INSR: variants seen among roughly 807,000 people sequenced by gnomAD.
INSR encodes insulin receptor, also known as IR.
Under a neutral mutation model 142.6 loss-of-function variants are expected in INSR, and 67 were observed. The observed-to-expected ratio is 0.47, with a 90% CI of 0.39 to 0.58. The LOEUF (loss-of-function observed/expected upper bound fraction) is 0.58, where lower values mean the gene tolerates loss of function less well. Among genes scored for constraint, INSR ranks in the 20% least tolerant of loss-of-function variants. The pLI is 0.00. For synonymous variants in INSR, 756 were observed against 743.1 expected (o/e 1.02, Z -0.28); for missense variants, 1,248 against 1,833.2 (o/e 0.68, Z 5.83).
chr19:7,174,825 G>A, intron 3 of INSR, 94 bp from the exon 4 acceptor site: 1 of 1,277,324 alleles, frequency 7.8e-7, no homozygotes, highest in East Asian at 2.5e-5. Flanking sequence ...CTTTCTGCCT[G>A]ATATGGTATT....
chr19:7,257,845 C>CA (rs942018935), intron 2 of INSR, among the ~76,000 whole-genome samples: 3 of 152,150 alleles, frequency 2.0e-5, no homozygotes, highest in South Asian at 4.1e-4. Context: ...CATATATAGA[C>CA]AGAGTCTCAC....
At chr19:7,248,823 T>G (rs1365382859) in intron 2 of INSR, among the ~76,000 whole-genome samples, 1 of 141,982 alleles carries the variant, frequency 7.0e-6, no homozygotes, top group African/African-American at 2.6e-5. Context: ...AGTGGCGTGA[T>G]CTTGGCTCAC....
At chr19:7,139,336 T>C (rs1011701484) in intron 13 of INSR, among the ~76,000 whole-genome samples, 8 of 152,206 alleles carry the variant, frequency 5.3e-5, no homozygotes, top group Non-Finnish European at 8.8e-5. Context: ...ACTAAAGCTG[T>C]CAATCCAAAA....
At chr19:7,134,408 C>T (rs1972857059) in intron 13 of INSR, among the ~76,000 whole-genome samples, 1 of 150,642 alleles carries the variant, frequency 6.6e-6, no homozygotes, top group Non-Finnish European at 1.5e-5. Flanking sequence ...TGTCTAAGGA[C>T]AAATAAAAAA....
Position 7,192,181 on chromosome 19 carries a change from A to G in INSR, c.653-7544T>C, listed in dbSNP as rs1974615931. On this transcript the variant is annotated intron_variant, in intron 2 of 21. Transcript: ENST00000302850. The surrounding 1 kb of genome is among the most constrained non-coding windows in gnomAD (Gnocchi z 4.2). ...GAAAGAAAAAGAAAGACAGAGAAAGAAAAGAAAAAAGAAAGAAAAAGAAAG... is the reference window on the plus strand; with the variant it reads ...GAAAGAAAAAGAAAGACAGAGAAAGGAAAGAAAAAAGAAAGAAAAAGAAAG... 6.6e-6 allele frequency among the ~76,000 whole-genome samples: 1 copy of G among 150,808 alleles called. No homozygotes were observed. Among genetic ancestry groups the G allele is most frequent in the Non-Finnish European group, 1.5e-5 (1 of 67,694 alleles).
At chr19:7,131,610 T>A (rs1009167242) in intron 14 of INSR, among the ~76,000 whole-genome samples, 1 of 149,504 alleles carries the variant, frequency 6.7e-6, no homozygotes, top group Non-Finnish European at 1.5e-5. Context: ...CCTCCCAAAG[T>A]GCTGGGATTA....
chr19:7,183,263 GGTGTGTGTGT>G (rs71177167), intron 3 of INSR, among the ~76,000 whole-genome samples: 93 of 146,586 alleles, frequency 6.3e-4, no homozygotes, highest in South Asian at 3.1e-3. Flanking sequence ...GTTGTTTTGT[GGTGTGTGTGT>G]GTGTGTGTGT....
chr19:7,150,156 C>A lies in INSR; in HGVS notation c.2267+341G>T, dbSNP rs1239873222. 6.6e-6 allele frequency among the ~76,000 whole-genome samples: 1 copy of A among 152,090 alleles called. No individual in the cohort carries two copies. Among genetic ancestry groups the A allele is most frequent in the Non-Finnish European group, 1.5e-5 (1 of 68,006 alleles). On this transcript the variant is annotated intron_variant, in intron 11 of 21. Transcript: ENST00000302850. This position sits in a 1 kb window ranked among gnomAD's most constrained non-coding sequence, Gnocchi z 4.2. Reference sequence around the variant, plus strand: ...CGCGGGGAGCTCAGACTCCGGGGACCCCCACCCACCTCTGCAAATGCACGC... The same window carrying A: ...CGCGGGGAGCTCAGACTCCGGGGACACCCACCCACCTCTGCAAATGCACGC...
intron 2 of INSR, among the ~76,000 whole-genome samples, chr19:7,205,032 C>T (rs925896621): frequency 6.6e-6 from 1 of 152,144 alleles, no homozygotes; most frequent in Non-Finnish European, 1.5e-5. Flanking sequence ...TGCGGTGAGC[C>T]GAGAAGGCAC....
At chr19:7,218,263 G>C (rs1277317041) in intron 2 of INSR, among the ~76,000 whole-genome samples, 4 of 152,026 alleles carry the variant, frequency 2.6e-5, no homozygotes, top group Non-Finnish European at 5.9e-5. Flanking sequence ...GGCCAGGGAT[G>C]CTAGTAAACA....
chr19:7,255,520 T>TC (rs1976860714), intron 2 of INSR, among the ~76,000 whole-genome samples: 1 of 150,478 alleles, frequency 6.6e-6, no homozygotes, highest in Admixed American at 6.6e-5. Context: ...TTTTTTTTTT[T>TC]CTTGTCTTGT....
In INSR at chr19:7,216,424, G is replaced by A. The variant is rs1349536674; in HGVS notation, c.653-31787C>T. ...CTCCGTGATGTTATGCGGTACAAAT[G>A]AGACGGCCCCTGAACTCCCACTGTG... On this transcript the variant is annotated intron_variant, in intron 2 of 21. Transcript: ENST00000302850. The surrounding 1 kb of genome is among the most constrained non-coding windows in gnomAD (Gnocchi z 4.2). 1.3e-5 allele frequency among the ~76,000 whole-genome samples: 2 copies of A among 152,216 alleles called. No individual in the cohort carries two copies. The highest frequency in any genetic ancestry group is 2.9e-5 in the Non-Finnish European group (2 of 68,034).
intron 2 of INSR, among the ~76,000 whole-genome samples, chr19:7,233,020 C>T (rs111296616): frequency 4.6e-5 from 7 of 152,222 alleles, no homozygotes; most frequent in African/African-American, 1.7e-4. Context: ...CAGTCTCCCT[C>T]TGTCACCCAG....
intron 9 of INSR, among the ~76,000 whole-genome samples, chr19:7,157,001 A>G (rs1973612173): frequency 6.7e-6 from 1 of 148,750 alleles, no homozygotes; most frequent in South Asian, 2.1e-4. Flanking sequence ...TTTTTTTGGG[A>G]TGGAGTCTCG....
intron 2 of INSR, among the ~76,000 whole-genome samples, chr19:7,255,536 CTCTT>C (rs763829278): frequency 1.3e-3 from 160 of 119,996 alleles, no homozygotes; most frequent in African/African-American, 4.3e-3. Context: ...CTTGTCTTTT[CTCTT>C]TCTTTCTTTC....
chr19:7,153,145 C>A (rs796717616), intron 9 of INSR, among the ~76,000 whole-genome samples: 8 of 7,568 alleles, frequency 1.1e-3, no homozygotes, highest in African/African-American at 5.0e-4. Context: ...ACCACACACA[C>A]CACACAACAC....
intron 2 of INSR, among the ~76,000 whole-genome samples, chr19:7,253,357 G>GC (rs1976793933): frequency 6.6e-6 from 1 of 151,990 alleles, no homozygotes; most frequent in South Asian, 2.1e-4. Flanking sequence ...TCCTGCCTCA[G>GC]CCCCCCGAGT....
Position 7,267,696 on chromosome 19 carries a change from C to A in INSR, c.301G>T (p.Asp101Tyr). ...ATGACCGTGAGGTTGGGGAACAGGT[C>A]CTTCAGGCTCTCGAGCCCATAGACC... ...FRVYGLESLKDLFPNLTVIRG... is the reference protein window; with the variant it reads ...FRVYGLESLKYLFPNLTVIRG... Residue 101 changes from aspartate (D) to tyrosine (Y), a missense_variant, in exon 2 of 22, where the codon GAC becomes TAC. Physicochemically the swap from Asp to Tyr is radical, Grantham distance 160. Around this residue, in one of 3 missense-constraint regions of INSR, gnomAD observed 1,069 missense variants for 1,654.0 expected, o/e 0.65. Coordinates refer to ENST00000302850, the MANE Select transcript of INSR (RefSeq NM_000208.4). The surrounding 1 kb of genome is among the most constrained non-coding windows in gnomAD (Gnocchi z 6.3). 6.2e-7 allele frequency: 1 copy of A among 1,614,086 alleles called. No individual in the cohort carries two copies. The highest frequency in any genetic ancestry group is 2.2e-5 in the East Asian group (1 of 44,886).
chr19:7,282,487 C>T (rs915086668), intron 1 of INSR, among the ~76,000 whole-genome samples: 25 of 151,394 alleles, frequency 1.7e-4, no homozygotes, highest in Non-Finnish European at 4.4e-5. Context: ...GTTTGAGACC[C>T]ACCTGGGCAA....
Sources: allele counts gnomAD v4.1 joint callset (sites outside exome capture counted in the v4.1 genomes callset), GRCh38; gene constraint gnomAD v4.1.1; regional missense constraint gnomAD v4.1.1; non-coding constraint Gnocchi (gnomAD v3.1); transcripts MANE v1.5; gene names NCBI Gene and HGNC (gene_info 2026-07-23, HGNC 2026-07-21).